RASA2: variants seen among roughly 807,000 people sequenced by gnomAD.
RASA2 encodes the protein ras GTPase-activating protein 2.
A neutral mutation model predicts 118.2 loss-of-function variants in RASA2; 155 were observed. The ratio of observed to expected loss-of-function variants is 1.31; its 90% CI spans 1.15 to 1.50. The LOEUF (loss-of-function observed/expected upper bound fraction) is 1.50, where lower values mean the gene tolerates loss of function less well. Ranked by LOEUF, RASA2 falls within the 40% of genes most tolerant of loss-of-function variation. The probability of loss-of-function intolerance (pLI) is 0.00; values close to 1 mark genes in which losing one functional copy is unlikely to be tolerated. For missense variants in RASA2, 1,016 were observed against 1,009.6 expected, an observed-to-expected ratio of 1.01 and a Z score of -0.09; for synonymous variants, 353 against 349.1, an observed-to-expected ratio of 1.01 and a Z score of -0.12.
At position 141,553,860 on chromosome 3, in the gene RASA2, C is replaced by CA; in HGVS notation, c.533dup (p.Ala179GlyfsTer14). On this transcript the variant is annotated frameshift_variant, in exon 6 of 24. Coordinates refer to ENST00000286364, the MANE Select transcript of RASA2 (RefSeq NM_006506.5). LOFTEE classifies it high-confidence loss of function. ...AATCTCTTTTATTCTACCTTAGCATCAAGGCATGCCATGGGTTGCCTCTCA... is the reference window on the plus strand; with the variant it reads ...AATCTCTTTTATTCTACCTTAGCATCAAAGGCATGCCATGGGTTGCCTCTCA... 6.2e-7 allele frequency: 1 copy of CA among 1,610,826 alleles called. No homozygotes were observed. The highest frequency in any genetic ancestry group is 8.5e-7 in the Non-Finnish European group (1 of 1,178,606).
intron 4 of RASA2, among the ~76,000 whole-genome samples, chr3:141,539,179 T>C (rs1189445446): frequency 6.6e-6 from 1 of 152,194 alleles, no homozygotes; most frequent in Non-Finnish European, 1.5e-5. Flanking sequence ...CCTTGAATAG[T>C]AGAGATTGTA....
intron 1 of RASA2, among the ~76,000 whole-genome samples, chr3:141,494,739 T>A (rs6795168): frequency 0.47 from 71,506 of 151,518 alleles, 18,217 homozygotes; most frequent in African/African-American, 0.68. Context: ...TTTAAGAGCC[T>A]TTTTTTTTGA....
In RASA2 at chr3:141,547,987, G is replaced by A. The variant is rs566521761; in HGVS notation, c.528-5870G>A. On this transcript the variant is annotated intron_variant, in intron 5 of 23. Transcript: ENST00000286364. ...TTCTGTTGATATGATGTGTCACACT[G>A]ATTAATTTGCACATATTGAACCATC... 4.5e-4 allele frequency among the ~76,000 whole-genome samples: 69 copies of A among 152,234 alleles called. No homozygotes were observed. The South Asian group carries it at 0.014, about 31-fold the overall frequency.
chr3:141,601,359 C>T (rs941108978), intron 19 of RASA2, among the ~76,000 whole-genome samples: 5 of 152,010 alleles, frequency 3.3e-5, no homozygotes, highest in South Asian at 2.1e-4. Context: ...TGCTTGAACT[C>T]GGGAGGCAGA....
At chr3:141,528,500 G>A (rs558374836) in intron 3 of RASA2, among the ~76,000 whole-genome samples, 1 of 151,868 alleles carries the variant, frequency 6.6e-6, no homozygotes, top group African/African-American at 2.4e-5. Context: ...TACGGTTCTT[G>A]TAACTTTTCT....
intron 7 of RASA2, among the ~76,000 whole-genome samples, chr3:141,558,171 A>G (rs2082676363): frequency 6.6e-6 from 1 of 152,200 alleles, no homozygotes; most frequent in African/African-American, 2.4e-5. Flanking sequence ...AGGGTAATAA[A>G]TCTAGCCCTG....
intron 3 of RASA2, among the ~76,000 whole-genome samples, chr3:141,529,136 G>A (rs1266387357): frequency 6.6e-6 from 1 of 151,854 alleles, no homozygotes; most frequent in African/African-American, 2.4e-5. Flanking sequence ...TGTATGTATT[G>A]GAGCAACATA....
At chr3:141,487,355 A>G (rs1577624104) in intron 1 of RASA2, 139 bp downstream of exon 1, 1 of 934,922 alleles carries the variant, frequency 1.1e-6, no homozygotes, top group Non-Finnish European at 1.3e-6. Flanking sequence ...GGCGCGGTTG[A>G]GGCTGGAAGG....
rs1207351331 is a variant in RASA2 at position 141,580,085 on chromosome 3, AATATATATATATATATAT to A, written c.1591-268_1591-251del. On this transcript the variant is annotated intron_variant, in intron 15 of 23. Transcript: ENST00000286364. ...AAAAAAAAAGAAAAAAAAAAAAAAA[AATATATATATATATATAT>A]ATATATATATATATGACTTTTAAAA... 2.4e-3 allele frequency among the ~76,000 whole-genome samples: 142 copies of A among 59,604 alleles called. 2 individuals are homozygous for A. Among genetic ancestry groups the A allele is most frequent in the Non-Finnish European group, 3.7e-3 (124 of 33,928 alleles). 39.1% of individuals were successfully genotyped at this position (59,604 alleles called of 152,430 possible). A position where few individuals can be genotyped will look rare whatever the true frequency, so the allele number is the denominator to read the frequency against.
At chr3:141,503,406 C>G (rs1332659530) in intron 1 of RASA2, among the ~76,000 whole-genome samples, 1 of 152,168 alleles carries the variant, frequency 6.6e-6, no homozygotes, top group African/African-American at 2.4e-5. Flanking sequence ...AATTTACTGT[C>G]TGATGACTGT....
At chr3:141,535,790 A>T (rs1259296617) in intron 4 of RASA2, among the ~76,000 whole-genome samples, 1 of 152,152 alleles carries the variant, frequency 6.6e-6, no homozygotes, top group Admixed American at 6.5e-5. Context: ...CTTATCACCA[A>T]GGGGGTGGCA....
At chr3:141,528,356 A>T (rs912072190) in intron 3 of RASA2, among the ~76,000 whole-genome samples, 21 of 151,902 alleles carry the variant, frequency 1.4e-4, no homozygotes, top group African/African-American at 5.1e-4. Context: ...CCATTAATTC[A>T]CCCTTTTAAG....
intron 3 of RASA2, among the ~76,000 whole-genome samples, chr3:141,521,305 A>G (rs1039214195): frequency 6.6e-6 from 1 of 152,228 alleles, no homozygotes; most frequent in East Asian, 1.9e-4. Context: ...ATCAGGAAGT[A>G]GAAAGAAAGA....
At chr3:141,492,259 C>T (rs900670009) in intron 1 of RASA2, among the ~76,000 whole-genome samples, 42 of 152,110 alleles carry the variant, frequency 2.8e-4, no homozygotes, top group Non-Finnish European at 8.8e-5. Flanking sequence ...AATCCTATTT[C>T]CTTGTTAATG....
rs76482720 is a variant in RASA2 at position 141,554,574 on chromosome 3, T to A, written c.611+634T>A. ...AAGGAACTGACACATCTGAAATATG[T>A]CTACAACTTGAAGGTTTAGAATCAG... On this transcript the variant is annotated intron_variant, in intron 6 of 23. Transcript: ENST00000286364. Among the ~76,000 whole-genome samples, 694 of 152,316 alleles carry A rather than the reference T, an allele frequency of 4.6e-3. 8 individuals carry two copies. The highest frequency in any genetic ancestry group is 0.016 in the African/African-American group (661 of 41,576).
chr3:141,555,267 A>C (rs2082631975), intron 6 of RASA2, among the ~76,000 whole-genome samples: 1 of 147,590 alleles, frequency 6.8e-6, no homozygotes, highest in Non-Finnish European at 1.5e-5. Flanking sequence ...CATCTCAAAA[A>C]ACTAAAAAAT....
chr3:141,594,094 G>T (rs1296867006), intron 19 of RASA2, among the ~76,000 whole-genome samples: 3 of 152,056 alleles, frequency 2.0e-5, no homozygotes, highest in Non-Finnish European at 4.4e-5. Context: ...GGGAATCTCA[G>T]CCAAAAAAGA....
intron 9 of RASA2, among the ~76,000 whole-genome samples, chr3:141,567,404 G>A (rs1202966216): frequency 2.0e-5 from 3 of 152,044 alleles, no homozygotes; most frequent in East Asian, 3.9e-4. Flanking sequence ...GACAGAGTGA[G>A]ACTCTGTCTC....
intron 3 of RASA2, among the ~76,000 whole-genome samples, chr3:141,529,355 G>T (rs1315179343): frequency 1.3e-5 from 2 of 152,042 alleles, no homozygotes; most frequent in Non-Finnish European, 2.9e-5. Context: ...AAATTGGGAA[G>T]ATTAGTTTGC....
Sources: allele counts gnomAD v4.1 joint callset (sites outside exome capture counted in the v4.1 genomes callset), GRCh38; gene constraint gnomAD v4.1.1; transcripts MANE v1.5; gene names NCBI Gene and HGNC (gene_info 2026-07-23, HGNC 2026-07-21).